Variants in HELZ observed in about 807,000 individuals in gnomAD.
The protein encoded by HELZ is ATP-dependent RNA helicase with zinc finger domain.
HELZ carries 23 observed loss-of-function variants against 218.2 expected under a neutral mutation model. The observed-to-expected ratio is 0.11, with a 90% CI of 0.08 to 0.15. The LOEUF (loss-of-function observed/expected upper bound fraction) is 0.15. Among genes scored for constraint, HELZ ranks in the 10% least tolerant of loss-of-function variants. The pLI, the probability that HELZ is intolerant of heterozygous loss-of-function variation, is 1.00. For missense variants in HELZ, 1,813 were observed against 2,353.7 expected (o/e 0.77, Z 4.75); for synonymous variants, 814 against 829.4 (o/e 0.98, Z 0.32).
chr17:67,189,985 C>T (rs901170018), intron 10 of HELZ, among the ~76,000 whole-genome samples, 172 bp downstream of exon 10: 1 of 152,150 alleles, frequency 6.6e-6, no homozygotes, highest in Non-Finnish European at 1.5e-5. Context: ...TTTAGTTCTG[C>T]TCTTCATTTT....
At chr17:67,201,348 T>C (rs2040163799) in intron 6 of HELZ, among the ~76,000 whole-genome samples, 163 bp from the exon 7 acceptor site, 1 of 152,182 alleles carries the variant, frequency 6.6e-6, no homozygotes, top group African/African-American at 2.4e-5. Context: ...AAGCAACACA[T>C]CTATGAGGAA....
At chr17:67,209,568 A>G (rs1178752739) in intron 5 of HELZ, among the ~76,000 whole-genome samples, 1 of 152,224 alleles carries the variant, frequency 6.6e-6, no homozygotes, top group Non-Finnish European at 1.5e-5. Flanking sequence ...ATTGTATTCC[A>G]GCCTAGGCAA....
intron 17 of HELZ, among the ~76,000 whole-genome samples, chr17:67,152,902 G>GTTT (rs2038731374): frequency 6.6e-6 from 1 of 152,096 alleles, no homozygotes; most frequent in African/African-American, 2.4e-5. Context: ...GGTATTGGAA[G>GTTT]CAAAATGAAG....
In HELZ at chr17:67,149,864, T is replaced by G. The variant is rs200261794; in HGVS notation, c.2475+3A>C. 2.5e-6 allele frequency: 4 copies of G among 1,574,114 alleles called. No homozygotes were observed. The highest frequency in any genetic ancestry group is 3.5e-6 in the Non-Finnish European group (4 of 1,150,674). On this transcript the variant is annotated splice_donor_region_variant and intron_variant, in intron 19 of 32. Coordinates refer to ENST00000358691, the MANE Select transcript of HELZ (RefSeq NM_014877.4). ...TCAACACAGCAACTCAGAGGGCACT[T>G]ACCTGCATGTGATCACCAGCCAAGA...
chr17:67,187,977 C>T (rs1027527659), intron 12 of HELZ, among the ~76,000 whole-genome samples: 4 of 152,058 alleles, frequency 2.6e-5, no homozygotes, highest in African/African-American at 9.7e-5. Context: ...ACACAATTAC[C>T]ATTAAAATGA....
chr17:67,238,258 A>C (rs2041235596), intron 3 of HELZ, among the ~76,000 whole-genome samples: 1 of 150,508 alleles, frequency 6.6e-6, no homozygotes, highest in African/African-American at 2.4e-5. Context: ...AGGTAAGGAG[A>C]ATCGCTTGAA....
intron 17 of HELZ, among the ~76,000 whole-genome samples, chr17:67,152,210 C>G (rs1164419538): frequency 6.6e-6 from 1 of 152,162 alleles, no homozygotes; most frequent in Non-Finnish European, 1.5e-5. Context: ...GTAAAACTGT[C>G]ATGGTAATTT....
rs540711915 is a variant in HELZ, at chr17:67,228,823, A to ATTCC, written c.-18-10005_-18-10002dup. 1.2e-4 allele frequency among the ~76,000 whole-genome samples: 18 copies of ATTCC among 152,016 alleles called. No homozygotes were observed. In the East Asian group the frequency reaches 3.3e-3, roughly 28 times the overall value. Reference sequence around the variant, plus strand: ...AACCTCCACCTCCCAGGTTCAAGAGATTCCCCTGCCCGAGCCTCCCAAGTA... The same window carrying ATTCC: ...AACCTCCACCTCCCAGGTTCAAGAGATTCCTTCCCCTGCCCGAGCCTCCCAAGTA... On this transcript the variant is annotated intron_variant, in intron 3 of 32. Coordinates refer to ENST00000358691, the MANE Select transcript of HELZ (RefSeq NM_014877.4).
At position 67,151,231 on chromosome 17, in the gene HELZ, A is replaced by G. The variant is rs2038671968; in HGVS notation, c.2178-7T>C. Reference sequence around the variant, plus strand: ...GCGATTTCTGAAATATACCCTGGAAAAGAAGAAAATATTTCTGATTTACAT... The same window carrying G: ...GCGATTTCTGAAATATACCCTGGAAGAGAAGAAAATATTTCTGATTTACAT... On this transcript the variant is annotated splice_polypyrimidine_tract_variant and splice_region_variant and intron_variant, in intron 17 of 32. Transcript: ENST00000358691. 1.3e-6 allele frequency: 2 copies of G among 1,593,834 alleles called. No individual in the cohort carries two copies. Among genetic ancestry groups the G allele is most frequent in the Non-Finnish European group, 8.6e-7 (1 of 1,166,438 alleles).
At chr17:67,155,693 T>C (rs1018896857) in intron 17 of HELZ, among the ~76,000 whole-genome samples, 1 of 151,994 alleles carries the variant, frequency 6.6e-6, no homozygotes, top group African/African-American at 2.4e-5. Context: ...AAAAGTTAAC[T>C]GGGCGTGGTG....
At chr17:67,143,596 G>A (rs1341889325) in intron 21 of HELZ, among the ~76,000 whole-genome samples, 1 of 151,292 alleles carries the variant, frequency 6.6e-6, no homozygotes, top group African/African-American at 2.4e-5. Context: ...ATGACAAAGA[G>A]AGACTCTGTC....
chr17:67,122,863 A>C lies in HELZ; in HGVS notation c.3630+107T>G, dbSNP rs1161155802. Reference sequence around the variant, plus strand: ...TTAAAAGAAGATTATCAGCACTGAAAATTTTTTTTAAAAAAGAAGTTGGTA... The same window carrying C: ...TTAAAAGAAGATTATCAGCACTGAACATTTTTTTTAAAAAAGAAGTTGGTA... On this transcript the variant is annotated intron_variant, in intron 26 of 32. Transcript: ENST00000358691. The C allele has an allele frequency of 1.0e-5, 8 of 773,802 alleles. No homozygotes were observed. The Admixed American group carries it at 2.0e-4, about 20-fold the overall frequency. The allele number at this position is 773,802 out of a possible 1,614,324, so 47.9% of individuals were successfully genotyped here.
At position 67,108,477 on chromosome 17, in the gene HELZ, A is replaced by G; in HGVS notation, c.4724+15T>C. Reference sequence around the variant, plus strand: ...GGGTCGCATTCCAGGGGCTATTTTCAGTCCGCTGGAATACCTTGAGTATGT... The same window carrying G: ...GGGTCGCATTCCAGGGGCTATTTTCGGTCCGCTGGAATACCTTGAGTATGT... On this transcript the variant is annotated intron_variant, in intron 30 of 32. Coordinates refer to ENST00000358691, the MANE Select transcript of HELZ (RefSeq NM_014877.4). The surrounding 1 kb of genome is among the most constrained non-coding windows in gnomAD (Gnocchi z 4.1). The G allele has an allele frequency of 1.0e-5, 16 of 1,593,128 alleles. No homozygotes were observed. Among genetic ancestry groups the G allele is most frequent in the Non-Finnish European group, 1.4e-5 (16 of 1,161,352 alleles).
At position 67,107,225 on chromosome 17, in the gene HELZ, A is replaced by C. The variant is rs2037132329; in HGVS notation, c.5185T>G (p.Phe1729Val). 1 of 1,614,052 alleles carries C rather than the reference A, an allele frequency of 6.2e-7. No homozygotes were observed. The highest frequency in any genetic ancestry group is 1.3e-5 in the African/African-American group (1 of 74,932). Residue 1729 changes from phenylalanine (F) to valine (V), a missense_variant, in exon 31 of 33, where the codon TTT becomes GTT. By Grantham distance (50) the Phe-to-Val change is conservative. This residue lies in a region of HELZ where 938 missense variants were observed against 1,027.5 expected (regional missense o/e 0.91). Transcript: ENST00000358691. ...NHQHAIGQEP[F>V]HPLSSRTVSS... ...ACTGTTCGAGATGACAATGGGTGAA[A>C]TGGCTCTTGACCAATAGCATGTTGA...
At chr17:67,146,198 AT>A (rs918921231) in intron 20 of HELZ, among the ~76,000 whole-genome samples, 6 of 151,820 alleles carry the variant, frequency 4.0e-5, no homozygotes, top group East Asian at 1.9e-4. Flanking sequence ...TCCTTGGTTA[AT>A]TTTTTTTTAT....
chr17:67,212,314 C>CAAAAAAAA (rs10692832), intron 5 of HELZ, among the ~76,000 whole-genome samples: 8 of 21,402 alleles, frequency 3.7e-4, no homozygotes, highest in East Asian at 1.8e-3. Flanking sequence ...GACACCATCT[C>CAAAAAAAA]AAAAAAAAAA....
chr17:67,178,966 C>A (rs1289847372), intron 12 of HELZ, 40 bp from the exon 13 acceptor site: 1 of 1,389,522 alleles, frequency 7.2e-7, no homozygotes. Flanking sequence ...AGAAACAGAA[C>A]ATTAAAATTT....
chr17:67,092,896 G>GT (rs564238394), intron 31 of HELZ, among the ~76,000 whole-genome samples: 1 of 151,578 alleles, frequency 6.6e-6, no homozygotes, highest in East Asian at 1.9e-4. Flanking sequence ...AACCGGCGGG[G>GT]GGGGGAAGTT....
intron 17 of HELZ, among the ~76,000 whole-genome samples, chr17:67,155,788 G>A (rs948340565): frequency 6.6e-6 from 1 of 150,434 alleles, no homozygotes; most frequent in Middle Eastern, 3.4e-3. Context: ...AGTGAGCCCA[G>A]ATAGCCCCAC....
Sources: gnomAD v4.1 joint callset for allele counts (sites outside exome capture counted in the v4.1 genomes callset) on GRCh38, gnomAD v4.1.1 for gene constraint, gnomAD v4.1.1 regional missense constraint, Gnocchi (gnomAD v3.1) non-coding constraint, MANE v1.5 for transcripts, NCBI Gene and HGNC (gene_info 2026-07-23, HGNC 2026-07-21) for gene names.